Variants in FRMD3 observed in about 807,000 individuals in gnomAD.
FRMD3 encodes the protein FERM domain-containing protein 3.
Under a neutral mutation model 70.2 loss-of-function variants are expected in FRMD3, and 33 were observed. The ratio of observed to expected loss-of-function variants is 0.47; its 90% CI spans 0.36 to 0.63. FRMD3 has a LOEUF of 0.63. FRMD3 is among the 20% of genes least tolerant of loss of function. FRMD3 has a pLI of 0.00. For missense variants in FRMD3, 632 were observed against 711.4 expected (o/e 0.89, Z 1.27); for synonymous variants, 279 against 255.9 (o/e 1.09, Z -0.86).
intron 3 of FRMD3, among the ~76,000 whole-genome samples, chr9:83,371,934 T>C (rs1051097668): frequency 6.6e-6 from 1 of 152,190 alleles, no homozygotes; most frequent in African/African-American, 2.4e-5. Context: ...TGCCTGCTAG[T>C]TTGTCGTCCA....
At chr9:83,568,953 T>C in the FRMD3 span, among the ~76,000 whole-genome samples, 20 of 114,284 alleles carry the variant, frequency 1.8e-4, no homozygotes, top group African/African-American at 5.5e-4. Context: ...GATAGATAGA[T>C]AGATACATAC....
rs995148186 is a variant in FRMD3 at position 83,361,877 on chromosome 9, A to G, written c.295+11036T>C. On this transcript the variant is annotated intron_variant, in intron 3 of 13. Transcript: ENST00000304195. ...CAAGCCAAGGAAGGCCAAGGACTGCAGGAAACCAGCAGAAGCCAGAAAAGG... is the reference window on the plus strand; with the variant it reads ...CAAGCCAAGGAAGGCCAAGGACTGCGGGAAACCAGCAGAAGCCAGAAAAGG... 3.3e-5 allele frequency among the ~76,000 whole-genome samples: 5 copies of G among 152,338 alleles called. No individual in the cohort carries two copies. The South Asian group carries it at 1.0e-3, about 32-fold the overall frequency.
At chr9:83,292,687 G>A (rs147823028) in intron 12 of FRMD3, among the ~76,000 whole-genome samples, 131 of 150,462 alleles carry the variant, frequency 8.7e-4, no homozygotes, top group African/African-American at 3.0e-3. Flanking sequence ...TCACTCTGTC[G>A]CCTAGGCTGG....
intron 6 of FRMD3, among the ~76,000 whole-genome samples, chr9:83,326,805 A>G (rs1056864399): frequency 6.6e-6 from 1 of 152,222 alleles, no homozygotes; most frequent in Non-Finnish European, 1.5e-5. Flanking sequence ...ACCAGTGATT[A>G]GTTGACTTCT....
At chr9:83,272,136 G>C (rs1218557892) in intron 13 of FRMD3, among the ~76,000 whole-genome samples, 2 of 150,256 alleles carry the variant, frequency 1.3e-5, no homozygotes, top group African/African-American at 4.9e-5. Flanking sequence ...TCTCTCCACG[G>C]TCTCCCTCTG....
chr9:83,292,783 G>T (rs535656594), intron 12 of FRMD3, among the ~76,000 whole-genome samples: 10 of 152,278 alleles, frequency 6.6e-5, no homozygotes, highest in African/African-American at 2.4e-4. Context: ...GAGTAGCTGG[G>T]ATTACAGGCA....
At chr9:83,561,412 G>A in the FRMD3 span, among the ~76,000 whole-genome samples, 12 of 152,124 alleles carry the variant, frequency 7.9e-5, no homozygotes, top group African/African-American at 2.7e-4. Context: ...TCATTTACAG[G>A]GCGGCTGCTA....
At chr9:83,535,175 C>T (rs1329423104) in intron 1 of FRMD3, among the ~76,000 whole-genome samples, 1 of 152,138 alleles carries the variant, frequency 6.6e-6, no homozygotes, top group African/African-American at 2.4e-5. Context: ...TGGTAGAGAT[C>T]AGACATAATG....
At chr9:83,545,593 G>A in the FRMD3 span, among the ~76,000 whole-genome samples, 22,437 of 151,726 alleles carry the variant, frequency 0.15, 2,058 homozygotes, top group Admixed American at 0.2. Flanking sequence ...TCCTGACCTC[G>A]TGATCTGCCC....
At chr9:83,369,722 A>G (rs116872893) in intron 3 of FRMD3, among the ~76,000 whole-genome samples, 1,604 of 152,188 alleles carry the variant, frequency 0.011, 24 homozygotes, top group Middle Eastern at 0.037. Context: ...AAGAAAAAAT[A>G]ACAAGATGAA....
chr9:83,459,069 A>C (rs74346506), intron 1 of FRMD3, among the ~76,000 whole-genome samples: 9,320 of 152,186 alleles, frequency 0.061, 391 homozygotes, highest in East Asian at 0.16. Flanking sequence ...AAAAATTAAA[A>C]CTCCTGGAAG....
At chr9:83,478,935 G>C (rs1587893400) in intron 1 of FRMD3, among the ~76,000 whole-genome samples, 1 of 152,102 alleles carries the variant, frequency 6.6e-6, no homozygotes, top group African/African-American at 2.4e-5. Flanking sequence ...GTGAACCCTG[G>C]AATACAGAGA....
chr9:83,467,875 G>T, intron 1 of FRMD3: 1 of 1,143,848 alleles, frequency 8.7e-7, no homozygotes, highest in Non-Finnish European at 1.2e-6. Context: ...ACAAACATGA[G>T]ATGCTTTTAA....
chr9:83,327,510 C>T (rs1564017445), intron 6 of FRMD3, among the ~76,000 whole-genome samples: 1 of 152,202 alleles, frequency 6.6e-6, no homozygotes, highest in African/African-American at 2.4e-5. Flanking sequence ...TTTCTCCTCC[C>T]TGTCATCCTG....
intron 1 of FRMD3, among the ~76,000 whole-genome samples, chr9:83,449,174 A>C (rs1827567100): frequency 6.6e-6 from 1 of 152,176 alleles, no homozygotes; most frequent in Non-Finnish European, 1.5e-5. Context: ...CCAAATCAAA[A>C]TGATTGCCCC....
At chr9:83,338,354 A>G (rs1235459291) in intron 5 of FRMD3, among the ~76,000 whole-genome samples, 5 of 152,210 alleles carry the variant, frequency 3.3e-5, no homozygotes, top group African/African-American at 9.6e-5. Context: ...ATTATGACCT[A>G]GCAATCCCAT....
intron 13 of FRMD3, among the ~76,000 whole-genome samples, chr9:83,257,827 G>T (rs1024588576): frequency 1.3e-5 from 2 of 152,030 alleles, no homozygotes; most frequent in Non-Finnish European, 2.9e-5. Flanking sequence ...AAATGACAAT[G>T]ATTTAGAAAA....
intron 1 of FRMD3, among the ~76,000 whole-genome samples, chr9:83,480,636 C>A (rs1828546120): frequency 6.6e-6 from 1 of 152,000 alleles, no homozygotes; most frequent in African/African-American, 2.4e-5. Flanking sequence ...GCTGGGATTA[C>A]AGGCACCTGC....
chr9:83,403,195 C>T (rs1383890804), intron 1 of FRMD3, among the ~76,000 whole-genome samples: 2 of 152,064 alleles, frequency 1.3e-5, no homozygotes, highest in African/African-American at 2.4e-5. Context: ...TGAGCCACCA[C>T]GCTCAGCAAG....
Sources: allele counts gnomAD v4.1 joint callset (sites outside exome capture counted in the v4.1 genomes callset), GRCh38; gene constraint gnomAD v4.1.1; transcripts MANE v1.5; gene names NCBI Gene and HGNC (gene_info 2026-07-23, HGNC 2026-07-21).